NTM: variants seen among roughly 807,000 people sequenced by gnomAD.
The protein encoded by NTM is neurotrimin, also known as IgLON family member 2.
Under a neutral mutation model 42.1 loss-of-function variants are expected in NTM, and 13 were observed. That is an observed-to-expected ratio of 0.31 (90% CI 0.20 to 0.49). NTM has a LOEUF of 0.49. Ranked by LOEUF, NTM falls within the 20% of genes least tolerant of loss-of-function variation. The probability of loss-of-function intolerance (pLI) is 0.99; values close to 1 mark genes in which losing one functional copy is unlikely to be tolerated. For synonymous variants in NTM, 187 were observed against 179.2 expected (o/e 1.04, Z -0.35); for missense variants, 373 against 452.8 (o/e 0.82, Z 1.60).
chr11:132,151,215 A>G (rs921964623), intron 3 of NTM, among the ~76,000 whole-genome samples: 1 of 152,226 alleles, frequency 6.6e-6, no homozygotes, highest in African/African-American at 2.4e-5. Context: ...GTTCCTTTGG[A>G]CAAGGTTACA....
chr11:131,825,530 G>A (rs1322978139), intron 1 of NTM, among the ~76,000 whole-genome samples: 1 of 152,126 alleles, frequency 6.6e-6, no homozygotes, highest in African/African-American at 2.4e-5. Context: ...TTGAGCAGAA[G>A]ATGCCATGGT....
rs377039461 is a variant in NTM at position 131,804,086 on chromosome 11, C to G, written c.83-107478C>G. On this transcript the variant is annotated intron_variant, in intron 1 of 8. Transcript: ENST00000683400. The stretch of plus-strand genomic sequence containing the variant: ...TGCTGATCTGTTGATTTTAACTTTG[C>G]TATTTCGTACCACTCCTTTTCATCT... Among the ~76,000 whole-genome samples the G allele has an allele frequency of 3.0e-4, 45 of 152,266 alleles. No homozygotes were observed. The East Asian group carries it at 6.8e-3, about 23-fold the overall frequency.
At chr11:131,594,896 C>G (rs986775726) in intron 1 of NTM, among the ~76,000 whole-genome samples, 3 of 152,122 alleles carry the variant, frequency 2.0e-5, no homozygotes, top group Non-Finnish European at 4.4e-5. Context: ...TCCTCACATC[C>G]CTACTCAGCC....
intron 2 of NTM, among the ~76,000 whole-genome samples, chr11:131,912,500 A>C (rs984289539): frequency 2.2e-4 from 33 of 152,202 alleles, no homozygotes; most frequent in African/African-American, 7.7e-4. Context: ...CAGAAACGCT[A>C]ACTGAATTTC....
chr11:131,952,831 G>T (rs752688327), intron 2 of NTM, among the ~76,000 whole-genome samples: 1 of 152,154 alleles, frequency 6.6e-6, no homozygotes, highest in Admixed American at 6.5e-5. Flanking sequence ...TCTGACTGGT[G>T]ACCAATGCAT....
intron 2 of NTM, among the ~76,000 whole-genome samples, chr11:132,064,243 A>G (rs993383650): frequency 1.3e-5 from 2 of 152,212 alleles, no homozygotes; most frequent in Non-Finnish European, 2.9e-5. Context: ...AGGATCACAT[A>G]TTGCAAATAA....
intron 8 of NTM, 69 bp from the exon 9 acceptor site, chr11:132,334,977 C>A: frequency 6.3e-7 from 1 of 1,576,544 alleles, no homozygotes; most frequent in Non-Finnish European, 8.6e-7. Context: ...TGACAGCAGA[C>A]CAGGCAACCA....
intron 2 of NTM, among the ~76,000 whole-genome samples, chr11:132,061,553 G>C (rs2080677064): frequency 6.6e-6 from 1 of 152,196 alleles, no homozygotes; most frequent in Non-Finnish European, 1.5e-5. Context: ...GAAATAAATT[G>C]AATTGTATTG....
At chr11:131,405,750 C>T (rs917802704) in intron 1 of NTM, among the ~76,000 whole-genome samples, 1 of 152,182 alleles carries the variant, frequency 6.6e-6, no homozygotes, top group Admixed American at 6.5e-5. Context: ...ATCCACACCC[C>T]TCCTCTGTGG....
At chr11:131,598,166 TCA>T (rs1196548379) in intron 1 of NTM, among the ~76,000 whole-genome samples, 2 of 148,372 alleles carry the variant, frequency 1.3e-5, no homozygotes, top group African/African-American at 2.4e-5. Context: ...GGGACACAAC[TCA>T]CAGTTTATCA....
intron 1 of NTM, among the ~76,000 whole-genome samples, chr11:131,835,023 C>T (rs1032889289): frequency 6.6e-6 from 1 of 152,086 alleles, no homozygotes; most frequent in African/African-American, 2.4e-5. Flanking sequence ...CAGTATTGTT[C>T]TCAATACTGA....
At chr11:132,333,869 G>C (rs1200188020) in intron 8 of NTM, among the ~76,000 whole-genome samples, 2 of 152,178 alleles carry the variant, frequency 1.3e-5, no homozygotes, top group Non-Finnish European at 2.9e-5. Context: ...TAGACTTGAT[G>C]GAATAATCCC....
At chr11:132,142,616 T>C (rs1028168765) in intron 2 of NTM, among the ~76,000 whole-genome samples, 6 of 152,108 alleles carry the variant, frequency 3.9e-5, no homozygotes, top group Non-Finnish European at 5.9e-5. Flanking sequence ...ACCTTTGTGA[T>C]CCATCTCTGC....
chr11:132,006,632 T>A (rs1475931426), intron 2 of NTM, among the ~76,000 whole-genome samples: 1 of 152,188 alleles, frequency 6.6e-6, no homozygotes, highest in African/African-American at 2.4e-5. Flanking sequence ...TATTCTAAAT[T>A]CAGGAGAGCT....
In NTM at chr11:131,769,524, T is replaced by C. The variant is rs1312316304; in HGVS notation, c.83-142040T>C. On this transcript the variant is annotated intron_variant, in intron 1 of 8. Transcript: ENST00000683400. ...TATTCTGGTATTTATAAAGAAGTTA[T>C]TGTTTCGTTTCCTTTTTTTTCTGGA... 8 of 628,032 alleles carry C rather than the reference T, an allele frequency of 1.3e-5. No homozygotes were observed. In the South Asian group the frequency reaches 3.6e-4, roughly 28 times the overall value. The allele number at this position is 628,032 out of a possible 1,614,324, so 38.9% of individuals were successfully genotyped here.
At chr11:132,151,822 T>G (rs117940279) in intron 3 of NTM, among the ~76,000 whole-genome samples, 2,770 of 152,236 alleles carry the variant, frequency 0.018, 42 homozygotes, top group Non-Finnish European at 0.029. Context: ...TCACTTCGTG[T>G]GTTAAAGTAA....
At chr11:131,691,056 G>T (rs773252577) in intron 1 of NTM, among the ~76,000 whole-genome samples, 12 of 152,158 alleles carry the variant, frequency 7.9e-5, no homozygotes, top group Non-Finnish European at 1.2e-4. Flanking sequence ...GTCTGGGTGG[G>T]CGAGTCTCAG....
chr11:131,495,335 A>G (rs1342503246), intron 1 of NTM, among the ~76,000 whole-genome samples: 1 of 152,272 alleles, frequency 6.6e-6, no homozygotes, highest in African/African-American at 2.4e-5. Flanking sequence ...GATTTTTGAC[A>G]TGCGCTTTGC....
intron 2 of NTM, among the ~76,000 whole-genome samples, chr11:131,993,459 G>A (rs1013503283): frequency 1.3e-5 from 2 of 152,094 alleles, no homozygotes; most frequent in Non-Finnish European, 2.9e-5. Context: ...ATGACAAGCT[G>A]GGTTTTGACA....
Sources: allele counts gnomAD v4.1 joint callset (sites outside exome capture counted in the v4.1 genomes callset), GRCh38; gene constraint gnomAD v4.1.1; transcripts MANE v1.5; gene names NCBI Gene and HGNC (gene_info 2026-07-23, HGNC 2026-07-21).